PARPBP: variants seen among roughly 807,000 people sequenced by gnomAD.
PARPBP encodes PARP1 binding protein.
Under a neutral mutation model 50.0 loss-of-function variants are expected in PARPBP, and 52 were observed. The ratio of observed to expected loss-of-function variants is 1.04; its 90% CI spans 0.83 to 1.31. PARPBP has a LOEUF of 1.31. PARPBP is among the 50% of genes most tolerant of loss of function. PARPBP has a pLI of 0.00. For missense variants in PARPBP, 697 were observed against 672.0 expected (o/e 1.04, Z -0.41); for synonymous variants, 244 against 232.1 (o/e 1.05, Z -0.47).
intron 9 of PARPBP, among the ~76,000 whole-genome samples, chr12:102,187,827 C>T (rs772568134): frequency 1.3e-5 from 2 of 151,946 alleles, no homozygotes; most frequent in African/African-American, 4.8e-5. Context: ...ACACCATTCT[C>T]GCTACGATAG....
At chr12:102,142,905 G>A (rs1285872597) in intron 2 of PARPBP, among the ~76,000 whole-genome samples, 1 of 152,216 alleles carries the variant, frequency 6.6e-6, no homozygotes, top group African/African-American at 2.4e-5. Context: ...GGCCCCTACT[G>A]GGAGGTGCCT....
At chr12:102,159,540 A>AGGTGAATG (rs1887337796) in intron 4 of PARPBP, among the ~76,000 whole-genome samples, 2 of 152,368 alleles carry the variant, frequency 1.3e-5, no homozygotes, top group African/African-American at 4.8e-5. Flanking sequence ...GTCTTCAAGT[A>AGGTGAATG]GGTGAATGGA....
At chr12:102,172,412 A>G (rs775707061) in intron 6 of PARPBP, among the ~76,000 whole-genome samples, 4 of 152,228 alleles carry the variant, frequency 2.6e-5, no homozygotes, top group Non-Finnish European at 5.9e-5. Context: ...GGTGAACAGC[A>G]TAAATATCCT....
chr12:102,187,814 A>G (rs1248893434), intron 9 of PARPBP, among the ~76,000 whole-genome samples: 1 of 152,196 alleles, frequency 6.6e-6, no homozygotes, highest in Non-Finnish European at 1.5e-5. Flanking sequence ...ACGTCATGGT[A>G]GAACACCATT....
chr12:102,194,404 A>G (rs903256752), intron 9 of PARPBP, among the ~76,000 whole-genome samples: 2 of 151,924 alleles, frequency 1.3e-5, no homozygotes, highest in African/African-American at 4.8e-5. Flanking sequence ...TTATTTGGAG[A>G]CATCTCTCCA....
At chr12:102,165,428 T>C (rs983201925) in intron 5 of PARPBP, among the ~76,000 whole-genome samples, 3 of 152,154 alleles carry the variant, frequency 2.0e-5, no homozygotes, top group Non-Finnish European at 2.9e-5. Flanking sequence ...CATAAATGAG[T>C]TCTTTAGAGT....
intron 4 of PARPBP, among the ~76,000 whole-genome samples, chr12:102,156,185 T>G (rs897499884): frequency 7.7e-6 from 1 of 129,106 alleles, no homozygotes; most frequent in South Asian, 2.8e-4. Flanking sequence ...CCTTTTTTTT[T>G]TTTTTTTTTT....
intron 3 of PARPBP, among the ~76,000 whole-genome samples, chr12:102,150,823 G>T (rs141811573): frequency 6.6e-6 from 1 of 152,258 alleles, no homozygotes; most frequent in African/African-American, 2.4e-5. Context: ...CTGTAGGTAC[G>T]CTCATATTCC....
chr12:102,121,413 C>T (rs1034075034), intron 1 of PARPBP, among the ~76,000 whole-genome samples: 7 of 152,208 alleles, frequency 4.6e-5, no homozygotes, highest in African/African-American at 1.2e-4. Context: ...TATGTATGTC[C>T]ATGGCTATTT....
chr12:102,132,326 A>G (rs1229515461), intron 2 of PARPBP, among the ~76,000 whole-genome samples: 2 of 152,114 alleles, frequency 1.3e-5, no homozygotes, highest in Non-Finnish European at 2.9e-5. Context: ...ATCCATTTTG[A>G]GTTGATTTTT....
At chr12:102,154,865 C>A (rs1886662912) in intron 4 of PARPBP, 2 of 453,652 alleles carry the variant, frequency 4.4e-6, no homozygotes, top group African/African-American at 4.0e-5. Flanking sequence ...GAGTCTAGCA[C>A]CTTTTAATAG....
At chr12:102,144,080 C>T (rs1303095509) in intron 2 of PARPBP, among the ~76,000 whole-genome samples, 1 of 152,150 alleles carries the variant, frequency 6.6e-6, no homozygotes, top group Non-Finnish European at 1.5e-5. Context: ...TGTGTAATCT[C>T]ATTTTATAAC....
chr12:102,152,132 T>G, intron 3 of PARPBP: 1 of 277,578 alleles, frequency 3.6e-6, no homozygotes, highest in South Asian at 4.0e-5. Flanking sequence ...TCCTAGATGT[T>G]GGGCAGGTGG....
Position 102,196,879 on chromosome 12 carries a change from G to A in PARPBP, c.*588G>A. 1 of 1,168,896 alleles carries A rather than the reference G, an allele frequency of 8.6e-7. No homozygotes were observed. Among genetic ancestry groups the A allele is most frequent in the Non-Finnish European group, 1.2e-6 (1 of 803,724 alleles). The allele number at this position is 1,168,896 out of a possible 1,614,324, so 72.4% of individuals were successfully genotyped here. A position where few individuals can be genotyped will look rare whatever the true frequency, so the allele number is the denominator to read the frequency against. ...GTGTAATTGAGCCATGGTCTTATTT[G>A]ATTTTGTTATGATTGCATCCAAATT... is the stretch of plus-strand genomic sequence containing the variant. On this transcript the variant is annotated 3_prime_UTR_variant, in exon 11 of 11. Transcript: ENST00000327680.
At chr12:102,120,591 T>A in intron 1 of PARPBP, 1 of 432,840 alleles carries the variant, frequency 2.3e-6, no homozygotes, top group Non-Finnish European at 4.7e-6. Context: ...AGTCCCACTA[T>A]GTACACGGAC....
At chr12:102,192,783 G>A (rs893643570) in intron 9 of PARPBP, among the ~76,000 whole-genome samples, 1 of 151,866 alleles carries the variant, frequency 6.6e-6, no homozygotes, top group Non-Finnish European at 1.5e-5. Context: ...AGTTGTAGAA[G>A]CCATCCTAGT....
Position 102,147,948 on chromosome 12 carries a change from G to T in PARPBP, c.154-282G>T, listed in dbSNP as rs570603004. Among the ~76,000 whole-genome samples, 59 of 152,190 alleles carry T rather than the reference G, an allele frequency of 3.9e-4. No homozygotes were observed. The South Asian group carries it at 9.5e-3, about 25-fold the overall frequency. ...CATCCATTTTGGGTAGAAGAAATTT[G>T]ACGAATTTCAAGAAATGTAACAGCG... On this transcript the variant is annotated intron_variant, in intron 2 of 10. Coordinates refer to ENST00000327680, the MANE Select transcript of PARPBP (RefSeq NM_017915.5).
intron 6 of PARPBP, among the ~76,000 whole-genome samples, chr12:102,174,287 C>T (rs538987032): frequency 6.5e-4 from 98 of 151,908 alleles, no homozygotes; most frequent in Non-Finnish European, 1.0e-3. Flanking sequence ...AAACAAATGC[C>T]GGATATGAGT....
chr12:102,141,152 T>C (rs1884524644), intron 2 of PARPBP, among the ~76,000 whole-genome samples: 1 of 152,256 alleles, frequency 6.6e-6, no homozygotes, highest in South Asian at 2.1e-4. Flanking sequence ...ACTTGCTATA[T>C]GAATCTGGGT....
Sources: gnomAD v4.1 joint callset for allele counts (sites outside exome capture counted in the v4.1 genomes callset) on GRCh38, gnomAD v4.1.1 for gene constraint, MANE v1.5 for transcripts, NCBI Gene and HGNC (gene_info 2026-07-23, HGNC 2026-07-21) for gene names.